KCNG2: variants seen among roughly 807,000 people sequenced by gnomAD.
The protein encoded by KCNG2 is potassium voltage-gated channel modifier subfamily G member 2.
Under a neutral mutation model 12.3 loss-of-function variants are expected in KCNG2, and 7 were observed. That is an observed-to-expected ratio of 0.57 (90% CI 0.32 to 1.07). The LOEUF (loss-of-function observed/expected upper bound fraction) is 1.07. KCNG2 is among the 50% of genes least tolerant of loss of function. The pLI is 0.04. For missense variants in KCNG2, 703 were observed against 726.0 expected, an observed-to-expected ratio of 0.97 and a Z score of 0.36; for synonymous variants, 414 against 351.4, an observed-to-expected ratio of 1.18 and a Z score of -1.99.
chr18:79,810,817 A>G (rs1027020255), intron 1 of KCNG2, among the ~76,000 whole-genome samples: 2 of 152,334 alleles, frequency 1.3e-5, no homozygotes, highest in East Asian at 3.9e-4. Context: ...AAATATATGC[A>G]CAGTCTCTGA....
In KCNG2 at chr18:79,854,331, A is replaced by G. The variant is rs1427564433; in HGVS notation, c.-114-2048A>G. ...CGCCGTCACAACACTCACATGCAGA[A>G]ACACAAGAGCTTTCCCATTCCCCAA... is the stretch of plus-strand genomic sequence containing the variant. On this transcript the variant is annotated intron_variant, in intron 1 of 3. Transcript: ENST00000316249. Among the ~76,000 whole-genome samples the G allele has an allele frequency of 3.3e-5, 5 of 152,200 alleles. No individual in the cohort carries two copies. The East Asian group carries it at 9.6e-4, about 29-fold the overall frequency.
chr18:79,867,597 G>T (rs9964266), intron 3 of KCNG2, among the ~76,000 whole-genome samples: 1 of 148,454 alleles, frequency 6.7e-6, no homozygotes, highest in Non-Finnish European at 1.5e-5. Context: ...GTCGTGTCTG[G>T]GGGGGGACCG....
intron 1 of KCNG2, among the ~76,000 whole-genome samples, 85 bp downstream of exon 1, chr18:79,798,099 G>A (rs918425731): frequency 6.6e-6 from 1 of 151,802 alleles, no homozygotes; most frequent in African/African-American, 2.4e-5. Flanking sequence ...GGCGGGGGGC[G>A]CGGGCTCCTG....
chr18:79,873,975 C>T (rs1158832967), intron 3 of KCNG2, among the ~76,000 whole-genome samples: 1 of 152,208 alleles, frequency 6.6e-6, no homozygotes. Flanking sequence ...CGGGCTTTGA[C>T]GGGGTCATCC....
At chr18:79,864,972 G>GGTGCTGAGAGGTCTGT (rs777776410) in intron 3 of KCNG2, among the ~76,000 whole-genome samples, 33,936 of 122,274 alleles carry the variant, frequency 0.28, 5,556 homozygotes, top group South Asian at 0.47. Flanking sequence ...CGGAAGTCTG[G>GGTGCTGAGAGGTCTGT]GTGCTGAGAG....
At chr18:79,857,960 G>A (rs531795669) in intron 2 of KCNG2, among the ~76,000 whole-genome samples, 15 of 151,934 alleles carry the variant, frequency 9.9e-5, no homozygotes, top group African/African-American at 3.4e-4. Context: ...CCCCCTTGCC[G>A]GCTTTCTGTC....
intron 3 of KCNG2, among the ~76,000 whole-genome samples, chr18:79,892,000 A>C (rs916423233): frequency 1.3e-5 from 2 of 151,956 alleles, no homozygotes; most frequent in Non-Finnish European, 2.9e-5. Context: ...CTGTAGTCCC[A>C]GCTACTCAGG....
intron 1 of KCNG2, among the ~76,000 whole-genome samples, chr18:79,844,312 A>G (rs1978552932): frequency 6.6e-6 from 1 of 152,118 alleles, no homozygotes; most frequent in African/African-American, 2.4e-5. Context: ...GGTATAGAAA[A>G]ACAGTAATGT....
At chr18:79,826,995 C>T (rs1445780743) in intron 1 of KCNG2, among the ~76,000 whole-genome samples, 1 of 152,260 alleles carries the variant, frequency 6.6e-6, no homozygotes, top group Non-Finnish European at 1.5e-5. Flanking sequence ...TTGGCTTCTG[C>T]CCGCTTTCTG....
intron 1 of KCNG2, among the ~76,000 whole-genome samples, chr18:79,833,323 A>G (rs1044041244): frequency 6.6e-6 from 1 of 152,034 alleles, no homozygotes; most frequent in African/African-American, 2.4e-5. Context: ...ATTTTTTTGT[A>G]GAGACAAAAA....
At position 79,807,307 on chromosome 18, in the gene KCNG2, G is replaced by T. The variant is rs1052502238; in HGVS notation, c.-115+9293G>T. On this transcript the variant is annotated intron_variant, in intron 1 of 3. Transcript: ENST00000316249. ...ACCGTCTGAGCCTGTTCGTGTTGGG[G>T]TGCCGCGAGCAAACCTCACGCCCTC... 9.2e-5 allele frequency among the ~76,000 whole-genome samples: 14 copies of T among 152,192 alleles called. No homozygotes were observed. In the South Asian group the frequency reaches 2.9e-3, roughly 32 times the overall value.
chr18:79,817,023 T>C (rs1321113720), intron 1 of KCNG2, among the ~76,000 whole-genome samples: 40 of 121,378 alleles, frequency 3.3e-4, no homozygotes, highest in South Asian at 5.7e-4. Context: ...TGCCACACGG[T>C]TGTCACGCAG....
At chr18:79,892,941 C>T (rs1214447770) in intron 3 of KCNG2, among the ~76,000 whole-genome samples, 1 of 151,492 alleles carries the variant, frequency 6.6e-6, no homozygotes, top group African/African-American at 2.4e-5. Context: ...GGGTTGTTCA[C>T]TCCATTCACA....
intron 1 of KCNG2, among the ~76,000 whole-genome samples, chr18:79,829,457 CA>C (rs1327972242): frequency 6.6e-6 from 1 of 152,162 alleles, no homozygotes; most frequent in African/African-American, 2.4e-5. Flanking sequence ...TGAAGTGAGT[CA>C]AGTAGCTGGT....
intron 1 of KCNG2, among the ~76,000 whole-genome samples, chr18:79,825,493 C>G (rs1055683471): frequency 6.6e-6 from 1 of 152,178 alleles, no homozygotes; most frequent in Non-Finnish European, 1.5e-5. Context: ...TGTTTGCTGA[C>G]GAAATGCCTC....
chr18:79,850,788 T>C (rs933215705), intron 1 of KCNG2, among the ~76,000 whole-genome samples: 14 of 152,232 alleles, frequency 9.2e-5, no homozygotes, highest in African/African-American at 3.4e-4. Context: ...TAAATCCTTT[T>C]CTGTGAGTTT....
intron 1 of KCNG2, among the ~76,000 whole-genome samples, chr18:79,801,353 C>T (rs1178773475): frequency 2.0e-5 from 3 of 152,230 alleles, no homozygotes; most frequent in Non-Finnish European, 4.4e-5. Flanking sequence ...GCTCTGCGTC[C>T]TCCTCCCCCG....
chr18:79,823,160 T>A (rs909059097), intron 1 of KCNG2, among the ~76,000 whole-genome samples: 1 of 152,218 alleles, frequency 6.6e-6, no homozygotes, highest in African/African-American at 2.4e-5. Context: ...TCTCACTTAA[T>A]GTCCTGGAAG....
At chr18:79,852,377 C>A (rs1978854710) in intron 1 of KCNG2, among the ~76,000 whole-genome samples, 1 of 152,284 alleles carries the variant, frequency 6.6e-6, no homozygotes. Flanking sequence ...TCAACTTAAT[C>A]TTTGCTTTAT....
Sources: allele counts gnomAD v4.1 joint callset (sites outside exome capture counted in the v4.1 genomes callset), GRCh38; gene constraint gnomAD v4.1.1; transcripts MANE v1.5; gene names NCBI Gene and HGNC (gene_info 2026-07-23, HGNC 2026-07-21).